The following GPD2 variants were observed in gnomAD, a reference collection of about 807,000 sequenced individuals.
GPD2 encodes the protein glycerol-3-phosphate dehydrogenase, mitochondrial.
In GPD2, 54 loss-of-function variants were observed where a neutral mutation model predicts 82.4. That is an observed-to-expected ratio of 0.66 (90% confidence interval 0.53 to 0.82). GPD2 has a LOEUF of 0.82. Ranked by LOEUF, GPD2 falls within the 40% of genes least tolerant of loss-of-function variation. The probability of loss-of-function intolerance (pLI) is 0.00; values close to 1 mark genes in which losing one functional copy is unlikely to be tolerated. For synonymous variants in GPD2, 288 were observed against 306.1 expected, an observed-to-expected ratio of 0.94 and a Z score of 0.62; for missense variants, 748 against 896.2, an observed-to-expected ratio of 0.83 and a Z score of 2.11.
chr2:156,577,661 C>A (rs1192903983), intron 13 of GPD2, among the ~76,000 whole-genome samples: 3 of 152,194 alleles, frequency 2.0e-5, no homozygotes, highest in Non-Finnish European at 4.4e-5. Flanking sequence ...ATTGAGTTCA[C>A]AAGATCCTTT....
intron 1 of GPD2, among the ~76,000 whole-genome samples, chr2:156,444,342 C>G (rs1341171736): frequency 6.6e-6 from 1 of 152,084 alleles, no homozygotes; most frequent in Non-Finnish European, 1.5e-5. Context: ...TCACTTTTTT[C>G]TTTCACTGTG....
the GPD2 span, among the ~76,000 whole-genome samples, chr2:156,415,992 G>A: frequency 1.0e-5 from 1 of 96,936 alleles, no homozygotes; most frequent in African/African-American, 3.0e-5. Context: ...CTGCACTCCA[G>A]CCTGGGCGAC....
At chr2:156,571,403 GT>G (rs1407392777) in intron 13 of GPD2, 111 bp downstream of exon 13, 1 of 597,974 alleles carries the variant, frequency 1.7e-6, no homozygotes, top group African/African-American at 1.9e-5. Context: ...TTTCTTACCA[GT>G]TTTTCTTTGT....
At chr2:156,432,721 A>C (rs1688331508), upstream of GPD2, among the ~76,000 whole-genome samples, 1 of 152,014 alleles carries the variant, frequency 6.6e-6, no homozygotes, top group Non-Finnish European at 1.5e-5. Context: ...ACTATACAAC[A>C]GTTTCCTATT....
chr2:156,423,523 C>T, the GPD2 span, among the ~76,000 whole-genome samples: 1 of 152,196 alleles, frequency 6.6e-6, no homozygotes, highest in East Asian at 1.9e-4. Flanking sequence ...CATTTTCTTG[C>T]CATGCTATCT....
intron 3 of GPD2, 107 bp downstream of exon 3, chr2:156,496,322 A>G (rs926577068): frequency 1.1e-5 from 8 of 734,640 alleles, no homozygotes; most frequent in African/African-American, 3.5e-5. Flanking sequence ...TGCTGCACCT[A>G]TCAACCCATC....
intron 8 of GPD2, among the ~76,000 whole-genome samples, chr2:156,556,604 G>A (rs1438071309): frequency 6.6e-6 from 1 of 152,134 alleles, no homozygotes; most frequent in Non-Finnish European, 1.5e-5. Context: ...GAGATTTTAT[G>A]TAGTCTTTCA....
At chr2:156,401,043 T>C in the GPD2 span, among the ~76,000 whole-genome samples, 1 of 152,368 alleles carries the variant, frequency 6.6e-6, no homozygotes, top group East Asian at 1.9e-4. Flanking sequence ...TTGGCTTTCA[T>C]TAATACTTCT....
chr2:156,557,449 A>G lies in GPD2; in HGVS notation c.1032A>G (p.Leu344=). The G allele has an allele frequency of 6.2e-7, 1 of 1,610,458 alleles. No individual in the cohort carries two copies. Among genetic ancestry groups the G allele is most frequent in the Non-Finnish European group, 8.5e-7 (1 of 1,176,744 alleles). Reference sequence around the variant, plus strand: ...GTGATGGGCGAGTTATTTTCTTCTTACCCTGGCAAAAGATGACGATCGCTG... The same window carrying G: ...GTGATGGGCGAGTTATTTTCTTCTTGCCCTGGCAAAAGATGACGATCGCTG... ...ATSDGRVIFF[L]PWQKMTIAGT... is the part of the protein sequence containing the mutation. Residue 344 remains leucine, a synonymous_variant, in exon 9 of 17, where the codon TTA becomes TTG. Transcript: ENST00000438166.
intron 8 of GPD2, among the ~76,000 whole-genome samples, chr2:156,556,805 G>A (rs527567247): frequency 6.6e-6 from 1 of 152,268 alleles, no homozygotes; most frequent in East Asian, 1.9e-4. Flanking sequence ...TCGAAATAAA[G>A]TAGGAAATCT....
At chr2:156,531,047 A>C (rs1685836172) in intron 6 of GPD2, among the ~76,000 whole-genome samples, 1 of 152,214 alleles carries the variant, frequency 6.6e-6, no homozygotes, top group African/African-American at 2.4e-5. Context: ...AACATAATGA[A>C]ATACATATAC....
intron 3 of GPD2, among the ~76,000 whole-genome samples, chr2:156,497,993 A>G (rs1349381649): frequency 6.6e-6 from 1 of 152,192 alleles, no homozygotes; most frequent in Admixed American, 6.5e-5. Context: ...CACATTCCCA[A>G]CATAATGGGA....
At chr2:156,554,100 A>G (rs1686869498) in intron 8 of GPD2, among the ~76,000 whole-genome samples, 1 of 152,184 alleles carries the variant, frequency 6.6e-6, no homozygotes, top group Non-Finnish European at 1.5e-5. Context: ...TTAAGGGTTC[A>G]TTCCCTCATT....
intron 1 of GPD2, among the ~76,000 whole-genome samples, chr2:156,447,539 G>A (rs1328912564): frequency 6.6e-6 from 1 of 151,762 alleles, no homozygotes; most frequent in East Asian, 1.9e-4. Context: ...CTTGCCATGT[G>A]GCCCAGGCTG....
At chr2:156,414,217 C>A in the GPD2 span, among the ~76,000 whole-genome samples, 1 of 152,094 alleles carries the variant, frequency 6.6e-6, no homozygotes, top group Non-Finnish European at 1.5e-5. Context: ...TCAATGTATT[C>A]TTATTTCAAT....
chr2:156,400,409 G>A, the GPD2 span, among the ~76,000 whole-genome samples: 1 of 152,244 alleles, frequency 6.6e-6, no homozygotes, highest in Non-Finnish European at 1.5e-5. Context: ...TCCTGGATCT[G>A]CGCTGCCTGC....
intron 1 of GPD2, among the ~76,000 whole-genome samples, chr2:156,464,989 T>C (rs1683101710): frequency 6.6e-6 from 1 of 152,110 alleles, no homozygotes; most frequent in Non-Finnish European, 1.5e-5. Flanking sequence ...TAGCTGGGAC[T>C]ACAGGCACCC....
At chr2:156,582,650 C>G (rs904032210) in intron 16 of GPD2, 143 bp from the exon 17 acceptor site, 1 of 867,148 alleles carries the variant, frequency 1.2e-6, no homozygotes, top group Middle Eastern at 3.4e-4. Flanking sequence ...TTAGACTCTT[C>G]TTATCTGAGC....
intron 3 of GPD2, among the ~76,000 whole-genome samples, chr2:156,507,283 C>T (rs1393989154): frequency 6.6e-6 from 1 of 151,614 alleles, no homozygotes; most frequent in East Asian, 1.9e-4. Flanking sequence ...GCTGGGATTA[C>T]AGTCATGAGC....
Sources: gnomAD v4.1 joint callset for allele counts (sites outside exome capture counted in the v4.1 genomes callset) on GRCh38, gnomAD v4.1.1 for gene constraint, MANE v1.5 for transcripts, NCBI Gene and HGNC (gene_info 2026-07-23, HGNC 2026-07-21) for gene names.